PAM: variants seen among roughly 807,000 people sequenced by gnomAD.
PAM encodes peptidyl-glycine alpha-amidating monooxygenase.
In PAM, 72 loss-of-function variants were observed where a neutral mutation model predicts 122.1. The ratio of observed to expected loss-of-function variants is 0.59; its 90% confidence interval spans 0.49 to 0.72. PAM has a LOEUF of 0.72. PAM is among the 30% of genes least tolerant of loss of function. PAM has a pLI of 0.00. For missense variants in PAM, 1,106 were observed against 1,183.7 expected (o/e 0.93, Z 0.96); for synonymous variants, 389 against 404.4 (o/e 0.96, Z 0.46).
chr5:103,019,010 A>T (rs1200687653), intron 22 of PAM, among the ~76,000 whole-genome samples: 1 of 152,164 alleles, frequency 6.6e-6, no homozygotes, highest in Non-Finnish European at 1.5e-5. Context: ...TCAGGTGGTT[A>T]CACTCACCTG....
chr5:102,910,863 T>C (rs375341771), intron 4 of PAM, among the ~76,000 whole-genome samples: 1 of 151,890 alleles, frequency 6.6e-6, no homozygotes, highest in Admixed American at 6.6e-5. Context: ...TTTTCCATAT[T>C]CTGTATTGTG....
At chr5:102,801,772 A>ATTTTTTTTTTTTTTTTTTTTTT (rs36068804) in intron 1 of PAM, among the ~76,000 whole-genome samples, 1 of 99,000 alleles carries the variant, frequency 1.0e-5, no homozygotes, top group Non-Finnish European at 1.9e-5. Context: ...GGGAAAAGGT[A>ATTTTTTTTTTTTTTTTTTTTTT]TTTTTTTTTT....
chr5:102,951,663 G>C (rs1435093449), intron 12 of PAM, among the ~76,000 whole-genome samples: 1 of 152,028 alleles, frequency 6.6e-6, no homozygotes, highest in Non-Finnish European at 1.5e-5. Context: ...AAAGGGAAAA[G>C]GTACTAAGGC....
intron 3 of PAM, among the ~76,000 whole-genome samples, chr5:102,884,087 A>T (rs1197729525): frequency 6.6e-6 from 1 of 151,868 alleles, no homozygotes; most frequent in Non-Finnish European, 1.5e-5. Flanking sequence ...TTGGTTATAT[A>T]GTTTTAAACT....
chr5:103,017,688 T>G (rs1782426674), intron 22 of PAM, among the ~76,000 whole-genome samples: 1 of 152,162 alleles, frequency 6.6e-6, no homozygotes, highest in East Asian at 1.9e-4. Context: ...AAGTCAACAT[T>G]AATTCCAGCT....
chr5:103,005,861 C>T (rs1778794973), intron 18 of PAM, among the ~76,000 whole-genome samples: 1 of 152,148 alleles, frequency 6.6e-6, no homozygotes, highest in Non-Finnish European at 1.5e-5. Context: ...CCCTCCCAAC[C>T]ATTTTCTTAA....
At chr5:102,988,105 G>A (rs1376519679) in intron 15 of PAM, among the ~76,000 whole-genome samples, 1 of 152,064 alleles carries the variant, frequency 6.6e-6, no homozygotes, top group Non-Finnish European at 1.5e-5. Context: ...AGCTAATCCA[G>A]TCCCCAGCCC....
At chr5:103,022,284 G>A (rs143199104) in intron 23 of PAM, among the ~76,000 whole-genome samples, 13 of 151,142 alleles carry the variant, frequency 8.6e-5, no homozygotes, top group Middle Eastern at 3.4e-3. Context: ...TTCATGTCCC[G>A]TAACCAGTTA....
At chr5:103,025,411 T>G in intron 24 of PAM, 77 bp downstream of exon 24, 1 of 1,197,708 alleles carries the variant, frequency 8.3e-7, no homozygotes, top group Non-Finnish European at 1.2e-6. Flanking sequence ...AGGAGTTTGA[T>G]TGGGATTTTT....
intron 1 of PAM, among the ~76,000 whole-genome samples, chr5:102,783,745 A>G (rs1297022133): frequency 6.6e-6 from 1 of 152,196 alleles, no homozygotes; most frequent in African/African-American, 2.4e-5. Flanking sequence ...CCACTTAACT[A>G]GAATGGAAAA....
intron 1 of PAM, among the ~76,000 whole-genome samples, chr5:102,842,055 G>C (rs1778783622): frequency 6.6e-6 from 1 of 151,758 alleles, no homozygotes; most frequent in African/African-American, 2.4e-5. Flanking sequence ...ATTTCAGATG[G>C]GTCCAAACAT....
chr5:102,784,099 T>C (rs2080550252), intron 1 of PAM, among the ~76,000 whole-genome samples: 1 of 152,072 alleles, frequency 6.6e-6, no homozygotes, highest in African/African-American at 2.4e-5. Context: ...TTCACCGTGT[T>C]AGCCAGTATG....
chr5:103,006,962 G>A lies in PAM; in HGVS notation c.1965G>A (p.Arg655=). Residue 655 remains arginine (R), a synonymous_variant, in exon 19 of 26, where the codon AGG becomes AGA. Transcript: ENST00000438793. ...TATCAGATGGTTACTGCAACAGCAG[G>A]ATTGTGCAGTTTTCACCAAGTGGAA... is the stretch of plus-strand genomic sequence containing the variant. The part of the protein sequence containing the change: ...IYVSDGYCNS[R]IVQFSPSGKF... 6.2e-7 allele frequency: 1 copy of A among 1,614,010 alleles called. No homozygotes were observed. The highest frequency in any genetic ancestry group is 1.1e-5 in the South Asian group (1 of 91,072).
intron 4 of PAM, among the ~76,000 whole-genome samples, chr5:102,909,322 T>C (rs1163952470): frequency 1.3e-5 from 2 of 151,894 alleles, no homozygotes; most frequent in African/African-American, 4.8e-5. Flanking sequence ...TTCCTTCCAG[T>C]GGTCTCCTTG....
At chr5:102,859,155 CA>C (rs1007909001) in intron 1 of PAM, among the ~76,000 whole-genome samples, 23 of 151,900 alleles carry the variant, frequency 1.5e-4, no homozygotes, top group African/African-American at 4.3e-4. Flanking sequence ...CTTCTACTTA[CA>C]AAAAAAATGT....
At chr5:102,773,100 C>A (rs530564096) in intron 1 of PAM, among the ~76,000 whole-genome samples, 18 of 152,202 alleles carry the variant, frequency 1.2e-4, no homozygotes, top group Middle Eastern at 3.4e-3. Context: ...AAGTGCAGAT[C>A]TCATGCTAGA....
intron 1 of PAM, among the ~76,000 whole-genome samples, chr5:102,841,704 A>C (rs1412675151): frequency 6.6e-6 from 1 of 152,060 alleles, no homozygotes; most frequent in African/African-American, 2.4e-5. Context: ...TCATAATCAA[A>C]ATCTCACTAA....
rs1422213683 is a variant in PAM, at chr5:103,003,074, G to A, written c.1655G>A (p.Gly552Glu). 1.9e-6 allele frequency: 3 copies of A among 1,607,968 alleles called. No individual in the cohort carries two copies. Among genetic ancestry groups the A allele is most frequent in the Non-Finnish European group, 2.6e-6 (3 of 1,174,772 alleles). The change falls in exon 17 of 26, where the codon GGA (glycine) becomes GAA (glutamate). Residue 552 changes from glycine to glutamate, a missense_variant. Physicochemically the swap from Gly to Glu is moderately conservative, Grantham distance 98 (BLOSUM62 -2). This residue lies in a region of PAM where 670 missense variants were observed against 690.3 expected (regional missense o/e 0.97). Coordinates refer to ENST00000438793, the MANE Select transcript of PAM (RefSeq NM_001177306.2). ...SKFVYQQIGL[G>E]PIEEDTILVI... Reference sequence around the variant, plus strand: ...TTTGTTTACCAGCAAATAGGACTCGGACCAATTGAAGAAGACACTATTCTT... The same window carrying A: ...TTTGTTTACCAGCAAATAGGACTCGAACCAATTGAAGAAGACACTATTCTT...
intron 3 of PAM, among the ~76,000 whole-genome samples, chr5:102,886,526 AT>A (rs1336605628): frequency 1.3e-5 from 2 of 151,802 alleles, no homozygotes; most frequent in Non-Finnish European, 2.9e-5. Context: ...ATTTTTCAGT[AT>A]TTAAATATCT....
Sources: gnomAD v4.1 joint callset for allele counts (sites outside exome capture counted in the v4.1 genomes callset) on GRCh38, gnomAD v4.1.1 for gene constraint, gnomAD v4.1.1 regional missense constraint, MANE v1.5 for transcripts, NCBI Gene and HGNC (gene_info 2026-07-23, HGNC 2026-07-21) for gene names.